Variants in RAMP3 observed in about 807,000 individuals in gnomAD.
RAMP3 encodes the protein receptor activity modifying protein 3, also known as receptor activity-modifying protein 3.
In RAMP3, 14 loss-of-function variants were observed where a neutral mutation model predicts 13.5. That is an observed-to-expected ratio of 1.04 (90% CI 0.69 to 1.63). The LOEUF is 1.63. RAMP3 is among the 40% of genes most tolerant of loss of function. The pLI, the probability that RAMP3 is intolerant of heterozygous loss-of-function variation, is 0.00. For missense variants in RAMP3, 200 were observed against 204.8 expected (o/e 0.98, Z 0.14); for synonymous variants, 106 against 88.3 (o/e 1.20, Z -1.12).
chr7:45,182,194 C>A (rs112956301), intron 2 of RAMP3, among the ~76,000 whole-genome samples: 1 of 152,130 alleles, frequency 6.6e-6, no homozygotes, highest in African/African-American at 2.4e-5. Context: ...ATGGGGAAGC[C>A]GAGGCAGGAC....
At chr7:45,158,825 G>C (rs1207035867) in intron 1 of RAMP3, among the ~76,000 whole-genome samples, 1 of 152,252 alleles carries the variant, frequency 6.6e-6, no homozygotes, top group East Asian at 1.9e-4. Flanking sequence ...CCATTGAAGA[G>C]GTCTTGGTGT....
rs565150292 is a variant in RAMP3 at position 45,181,682 on chromosome 7, C to T, written c.192-1475C>T. ...GGGGGTTGGGGTGGACAGCAGGCTACTGAATCTGAGGCCCTGTGGGAGAAG... is the reference window on the plus strand; with the variant it reads ...GGGGGTTGGGGTGGACAGCAGGCTATTGAATCTGAGGCCCTGTGGGAGAAG... On this transcript the variant is annotated intron_variant, in intron 2 of 2. Coordinates refer to ENST00000242249, the MANE Select transcript of RAMP3 (RefSeq NM_005856.3). 3.7e-4 allele frequency among the ~76,000 whole-genome samples: 56 copies of T among 152,272 alleles called. No individual in the cohort carries two copies. In the South Asian group the frequency reaches 0.011, roughly 30 times the overall value.
chr7:45,165,827 A>G (rs1362371030), intron 1 of RAMP3, among the ~76,000 whole-genome samples: 1 of 152,212 alleles, frequency 6.6e-6, no homozygotes, highest in African/African-American at 2.4e-5. Flanking sequence ...CTCACAGCAG[A>G]ATGTTTTTAA....
intron 1 of RAMP3, among the ~76,000 whole-genome samples, chr7:45,158,706 T>C (rs1785811073): frequency 6.6e-6 from 1 of 152,120 alleles, no homozygotes; most frequent in South Asian, 2.1e-4. Flanking sequence ...GGCCTGGTGG[T>C]CCCCAGTTTC....
intron 2 of RAMP3, among the ~76,000 whole-genome samples, chr7:45,181,143 C>G (rs1023317405): frequency 1.3e-5 from 2 of 152,230 alleles, no homozygotes; most frequent in Non-Finnish European, 2.9e-5. Flanking sequence ...AACCCACTTA[C>G]AGATGAGGAA....
intron 1 of RAMP3, among the ~76,000 whole-genome samples, chr7:45,174,262 T>C (rs896013893): frequency 2.0e-5 from 3 of 152,230 alleles, no homozygotes; most frequent in Middle Eastern, 6.8e-3. Context: ...TATAGTGCCC[T>C]TGGGGTCTGC....
At chr7:45,177,654 C>G (rs769011768) in intron 2 of RAMP3, among the ~76,000 whole-genome samples, 9 of 152,178 alleles carry the variant, frequency 5.9e-5, no homozygotes, top group Non-Finnish European at 1.0e-4. Context: ...GCTCTTGGCT[C>G]TGGCCACCCC....
intron 2 of RAMP3, among the ~76,000 whole-genome samples, chr7:45,180,944 T>C (rs1358441725): frequency 2.6e-5 from 4 of 152,178 alleles, no homozygotes; most frequent in African/African-American, 9.7e-5. Context: ...AATGTGGACC[T>C]CTCTAGATAT....
intron 2 of RAMP3, among the ~76,000 whole-genome samples, chr7:45,179,575 G>A (rs929417158): frequency 2.0e-5 from 3 of 152,204 alleles, no homozygotes; most frequent in African/African-American, 2.4e-5. Context: ...TGCAATAGAA[G>A]TGAAATGGAA....
chr7:45,165,724 T>C (rs1785948289), intron 1 of RAMP3, among the ~76,000 whole-genome samples: 1 of 152,230 alleles, frequency 6.6e-6, no homozygotes, highest in East Asian at 1.9e-4. Flanking sequence ...CCTTAAGGAA[T>C]CACTAATATG....
intron 1 of RAMP3, among the ~76,000 whole-genome samples, chr7:45,169,378 T>C (rs1029187452): frequency 6.6e-6 from 1 of 152,242 alleles, no homozygotes; most frequent in African/African-American, 2.4e-5. Flanking sequence ...TGGTAGAATT[T>C]GCCAGAGAAG....
At chr7:45,170,430 T>A (rs1032770309) in intron 1 of RAMP3, among the ~76,000 whole-genome samples, 1 of 151,916 alleles carries the variant, frequency 6.6e-6, no homozygotes, top group Non-Finnish European at 1.5e-5. Context: ...CTCTGCCTCC[T>A]GGGTTCAAGC....
rs1786214138 is a variant in RAMP3 at position 45,177,438 on chromosome 7, T to A, written c.188T>A (p.Ile63Asn). 1 of 1,614,046 alleles carries A rather than the reference T, an allele frequency of 6.2e-7. No homozygotes were observed. The highest frequency in any genetic ancestry group is 8.5e-7 in the Non-Finnish European group (1 of 1,179,946). ...AAGTGGTGCAACCTGTCCGAGTTCATCGTGTGAGTGCCACTGCTGGGCGTG... is the reference window on the plus strand; with the variant it reads ...AAGTGGTGCAACCTGTCCGAGTTCAACGTGTGAGTGCCACTGCTGGGCGTG... ...VWKWCNLSEFIVYYESFTNCT... is the reference protein window; with the variant it reads ...VWKWCNLSEFNVYYESFTNCT... Residue 63 changes from isoleucine (I) to asparagine (N), a missense_variant, in exon 2 of 3, where the codon ATC (isoleucine) becomes AAC (asparagine). Ile to Asn is a moderately radical substitution (Grantham distance 149, BLOSUM62 -3). Coordinates refer to ENST00000242249, the MANE Select transcript of RAMP3 (RefSeq NM_005856.3).
chr7:45,163,528 A>C, intron 1 of RAMP3: 6 of 985,352 alleles, frequency 6.1e-6, no homozygotes, highest in Non-Finnish European at 6.0e-6. Flanking sequence ...GCCAGCAGCC[A>C]GAGGGTCGTG....
chr7:45,176,590 A>C (rs1786191903), intron 1 of RAMP3, among the ~76,000 whole-genome samples: 1 of 152,058 alleles, frequency 6.6e-6, no homozygotes, highest in Non-Finnish European at 1.5e-5. Context: ...ACAGGCCCTG[A>C]AGGACAGGGG....
intron 1 of RAMP3, among the ~76,000 whole-genome samples, chr7:45,164,597 T>C (rs1785923003): frequency 6.6e-6 from 1 of 152,366 alleles, no homozygotes; most frequent in Middle Eastern, 3.4e-3. Context: ...CATTTTCTTT[T>C]TGTAGTTCTG....
chr7:45,174,646 C>T (rs1041937468), intron 1 of RAMP3, among the ~76,000 whole-genome samples: 21 of 152,274 alleles, frequency 1.4e-4, no homozygotes, highest in Admixed American at 3.3e-4. Flanking sequence ...GAGCTCAGGT[C>T]TCCTTCTGAC....
intron 1 of RAMP3, chr7:45,163,830 C>G: frequency 1.0e-6 from 1 of 985,386 alleles, no homozygotes; most frequent in Admixed American, 6.1e-5. Context: ...CACGGTCAAG[C>G]TTCAGAAGGA....
chr7:45,180,852 C>A (rs1371265218), intron 2 of RAMP3, among the ~76,000 whole-genome samples: 1 of 152,214 alleles, frequency 6.6e-6, no homozygotes, highest in Non-Finnish European at 1.5e-5. Flanking sequence ...GGGAGCCTGA[C>A]TGAAGGAGGA....
Sources: gnomAD v4.1 joint callset for allele counts (sites outside exome capture counted in the v4.1 genomes callset) on GRCh38, gnomAD v4.1.1 for gene constraint, MANE v1.5 for transcripts, NCBI Gene and HGNC (gene_info 2026-07-23, HGNC 2026-07-21) for gene names.